MAP4K2: variants seen among roughly 807,000 people sequenced by gnomAD.
MAP4K2 encodes the protein B lymphocyte serine/threonine protein kinase.
In MAP4K2, 85 loss-of-function variants were observed where a neutral mutation model predicts 125.3. The observed-to-expected ratio is 0.68, with a 90% CI of 0.57 to 0.81. MAP4K2 has a LOEUF of 0.81. Among genes scored for constraint, MAP4K2 ranks in the 40% least tolerant of loss-of-function variants. The pLI, the probability that MAP4K2 is intolerant of heterozygous loss-of-function variation, is 0.00. For synonymous variants in MAP4K2, 479 were observed against 445.1 expected (o/e 1.08, Z -0.96); for missense variants, 923 against 1,056.4 (o/e 0.87, Z 1.75).
intron 29 of MAP4K2, 77 bp downstream of exon 29, chr11:64,790,111 C>T (rs1257920322): frequency 2.5e-6 from 4 of 1,569,270 alleles, no homozygotes; most frequent in Admixed American, 3.4e-5. Flanking sequence ...CCTCATCCTA[C>T]CGCCAGCCCC....
In MAP4K2 at chr11:64,802,054, A is replaced by G; in HGVS notation, c.366+12T>C. 1 of 1,610,950 alleles carries G rather than the reference A, an allele frequency of 6.2e-7. No individual in the cohort carries two copies. The highest frequency in any genetic ancestry group is 1.9e-4 in the Middle Eastern group (1 of 5,252). ...GAGACCAGAGGTGTGGGCACCTCAC[A>G]GGCCCAGCTACCTTCAGTGCCTCTC... is the stretch of plus-strand genomic sequence containing the variant. On this transcript the variant is annotated intron_variant, in intron 5 of 31. Transcript: ENST00000294066.
At chr11:64,799,367 A>G (rs1592600446) in intron 14 of MAP4K2, 54 bp downstream of exon 14, 2 of 1,597,102 alleles carry the variant, frequency 1.3e-6, no homozygotes, top group Admixed American at 1.8e-5. Flanking sequence ...CCTCCATCCG[A>G]CCTCCCTGCC....
chr11:64,792,128 C>G (rs752539543), intron 26 of MAP4K2, 42 bp from the exon 27 acceptor site: 10 of 1,583,576 alleles, frequency 6.3e-6, no homozygotes, highest in East Asian at 2.3e-5. Flanking sequence ...TTTCTCCCCC[C>G]AGAGCTCTGA....
rs1940253603 is a variant in MAP4K2, at chr11:64,787,674, G to C, written c.*1863C>G. The C allele has an allele frequency of 6.6e-6, 1 of 152,170 alleles. No homozygotes were observed. Among genetic ancestry groups the C allele is most frequent in the Admixed American group, 6.5e-5 (1 of 15,280 alleles). 9.4% of individuals were successfully genotyped at this position (152,170 alleles called of 1,614,324 possible). ...TGCTGGCAGCAAGCGTTTTATGGGAGGCCCCCACTTTGGCAGTTTACACTC... is the reference window on the plus strand; with the variant it reads ...TGCTGGCAGCAAGCGTTTTATGGGACGCCCCCACTTTGGCAGTTTACACTC... On this transcript the variant is annotated 3_prime_UTR_variant, in exon 32 of 32. Coordinates refer to ENST00000294066, the MANE Select transcript of MAP4K2 (RefSeq NM_004579.5).
chr11:64,801,598 G>A lies in MAP4K2; in HGVS notation c.438C>T (p.Leu146=), dbSNP rs767003185. ...ACTGACCCAGTTTGACATCTCCCTG[G>A]AGAGTGAGGAGAAGGTTGGCTCCCT... ...DIKGANLLLT[L]QGDVKLADFG... is the part of the protein sequence containing the mutation. Residue 146 remains leucine, a synonymous_variant, in exon 7 of 32, where the codon CTC becomes CTT. Coordinates refer to ENST00000294066, the MANE Select transcript of MAP4K2 (RefSeq NM_004579.5). 6.2e-7 allele frequency: 1 copy of A among 1,613,904 alleles called. No individual in the cohort carries two copies. Among genetic ancestry groups the A allele is most frequent in the African/African-American group, 1.3e-5 (1 of 74,900 alleles).
chr11:64,797,305 G>C lies in MAP4K2; in HGVS notation c.1246C>G (p.Pro416Ala). 1 of 1,602,460 alleles carries C rather than the reference G, an allele frequency of 6.2e-7. No individual in the cohort carries two copies. The highest frequency in any genetic ancestry group is 8.5e-7 in the Non-Finnish European group (1 of 1,174,756). ...GGACTGGACAGAGGCTCCTCTGCTG[G>C]AGGGTCAGTGGGGAGTGGCCCTAGG... ...PFLGPLPTDP[P>A]AEEPLSSPPG... is the part of the protein sequence containing the mutation. Residue 416 changes from proline (P) to alanine (A), a missense_variant, in exon 18 of 32, where the codon CCA (proline) becomes GCA (alanine). Physicochemically the swap from Pro to Ala is conservative, Grantham distance 27. Coordinates refer to ENST00000294066, the MANE Select transcript of MAP4K2 (RefSeq NM_004579.5).
chr11:64,800,106 T>C lies in MAP4K2; in HGVS notation c.915+3A>G. The C allele has an allele frequency of 6.3e-7, 1 of 1,598,056 alleles. No homozygotes were observed. ...GACTCACTTTCCAGCCCCCCTCACC[T>C]ACCTCCAGCTCACAGTCCTCAGGGG... is the stretch of plus-strand genomic sequence containing the variant. On this transcript the variant is annotated splice_donor_region_variant and intron_variant, in intron 12 of 31. Coordinates refer to ENST00000294066, the MANE Select transcript of MAP4K2 (RefSeq NM_004579.5).
chr11:64,795,657 C>T (rs1439267691), intron 24 of MAP4K2, among the ~76,000 whole-genome samples: 1 of 152,222 alleles, frequency 6.6e-6, no homozygotes, highest in African/African-American at 2.4e-5. Context: ...CCGCCTTGGC[C>T]TCCCAAAGTG....
intron 12 of MAP4K2, 111 bp from the exon 13 acceptor site, chr11:64,799,794 G>T: frequency 1.2e-6 from 1 of 809,278 alleles, no homozygotes; most frequent in Non-Finnish European, 2.0e-6. Context: ...AGCCCTCTGG[G>T]ACTACTGTAA....
At chr11:64,798,025 A>C in intron 15 of MAP4K2, among the ~76,000 whole-genome samples, 1 of 137,550 alleles carries the variant, frequency 7.3e-6, no homozygotes, top group African/African-American at 2.8e-5. Flanking sequence ...TTTAAGACAG[A>C]GTTTCATTCT....
chr11:64,790,019 T>G (rs905162631), intron 29 of MAP4K2, 60 bp from the exon 30 acceptor site: 6 of 1,593,584 alleles, frequency 3.8e-6, no homozygotes, highest in Middle Eastern at 2.1e-4. Flanking sequence ...CAGCCACGCC[T>G]GAGCCTGGGT....
In MAP4K2 at chr11:64,786,556, T is replaced by C. The variant is rs908601222; in HGVS notation, c.*2981A>G. Reference sequence around the variant, plus strand: ...TGACTCCGGGTATGGGCCAGTTACCTGAACATCCTGGGGGGGCCCACGTCC... The same window carrying C: ...TGACTCCGGGTATGGGCCAGTTACCCGAACATCCTGGGGGGGCCCACGTCC... On this transcript the variant is annotated 3_prime_UTR_variant, in exon 32 of 32. Coordinates refer to ENST00000294066, the MANE Select transcript of MAP4K2 (RefSeq NM_004579.5). The C allele has an allele frequency of 6.6e-6, 1 of 152,214 alleles. No individual in the cohort carries two copies. The highest frequency in any genetic ancestry group is 1.5e-5 in the Non-Finnish European group (1 of 68,056). The allele number at this position is 152,214 out of a possible 1,614,324, so 9.4% of individuals were successfully genotyped here.
At position 64,798,896 on chromosome 11, in the gene MAP4K2, G is replaced by A. The variant is rs1592599219; in HGVS notation, c.1054-59C>T. Reference sequence around the variant, plus strand: ...GCAGAGACAGATGCAACGTGAGAGGGCGCTCAAGAGATTCAGGAAAGGAAA... The same window carrying A: ...GCAGAGACAGATGCAACGTGAGAGGACGCTCAAGAGATTCAGGAAAGGAAA... On this transcript the variant is annotated intron_variant, in intron 14 of 31. Transcript: ENST00000294066. 8.5e-6 allele frequency: 12 copies of A among 1,405,778 alleles called. No individual in the cohort carries two copies. In the East Asian group the frequency reaches 2.9e-4, roughly 35 times the overall value. The allele number at this position is 1,405,778 out of a possible 1,614,324, so 87.1% of individuals were successfully genotyped here.
intron 14 of MAP4K2, 52 bp downstream of exon 14, chr11:64,799,369 C>G: frequency 6.3e-7 from 1 of 1,599,392 alleles, no homozygotes; most frequent in Non-Finnish European, 8.5e-7. Flanking sequence ...TCCATCCGAC[C>G]TCCCTGCCCC....
chr11:64,795,990 T>G (rs1404547644), intron 24 of MAP4K2, among the ~76,000 whole-genome samples: 1 of 152,196 alleles, frequency 6.6e-6, no homozygotes, highest in Non-Finnish European at 1.5e-5. Context: ...CAACATAGCA[T>G]AAGTGCTCAG....
chr11:64,789,472 G>T lies in MAP4K2; in HGVS notation c.*65C>A. ...CCTCTGGTCTAGGATGGGCCCCTTT[G>T]CCCAAAAGGGCCTGCAGCTAAGGCG... On this transcript the variant is annotated 3_prime_UTR_variant, in exon 32 of 32. Coordinates refer to ENST00000294066, the MANE Select transcript of MAP4K2 (RefSeq NM_004579.5). 2.8e-6 allele frequency: 4 copies of T among 1,448,956 alleles called. No homozygotes were observed. The South Asian group carries it at 3.7e-5, about 13-fold the overall frequency. 89.8% of individuals were successfully genotyped at this position (1,448,956 alleles called of 1,614,324 possible).
Position 64,797,032 on chromosome 11 carries a change from G to C in MAP4K2, c.1366-9C>G, listed in dbSNP as rs374364877. The C allele has an allele frequency of 6.2e-7, 1 of 1,613,964 alleles. No individual in the cohort carries two copies. The highest frequency in any genetic ancestry group is 1.3e-5 in the African/African-American group (1 of 74,900). On this transcript the variant is annotated splice_polypyrimidine_tract_variant and intron_variant, in intron 19 of 31. Coordinates refer to ENST00000294066, the MANE Select transcript of MAP4K2 (RefSeq NM_004579.5). ...CCGTGGCAGGATGACCTCTGGGAGGGAGGAAAGGAGTCAGGGCTGATATGA... is the reference window on the plus strand; with the variant it reads ...CCGTGGCAGGATGACCTCTGGGAGGCAGGAAAGGAGTCAGGGCTGATATGA...
chr11:64,790,408 A>T lies in MAP4K2; in HGVS notation c.2147T>A (p.Leu716Gln). 6.2e-7 allele frequency: 1 copy of T among 1,614,142 alleles called. No individual in the cohort carries two copies. The highest frequency in any genetic ancestry group is 8.5e-7 in the Non-Finnish European group (1 of 1,180,012). The change falls in exon 28 of 32, where the codon CTA (leucine) becomes CAA (glutamine). Residue 716 changes from leucine to glutamine, a missense_variant. Physicochemically the swap from Leu to Gln is moderately radical, Grantham distance 113 (BLOSUM62 -2). This residue lies in a region of MAP4K2 where 90 missense variants were observed against 144.9 expected (regional missense o/e 0.62). Coordinates refer to ENST00000294066, the MANE Select transcript of MAP4K2 (RefSeq NM_004579.5). ...QVIQVDRDTI[L>Q]VSFERCVRIV... Reference sequence around the variant, plus strand: ...AGGGCACTCACGTTCAAAGCTGACTAGGATTGTGTCCCTGTCCACCTGGAT... The same window carrying T: ...AGGGCACTCACGTTCAAAGCTGACTTGGATTGTGTCCCTGTCCACCTGGAT...
At position 64,803,178 on chromosome 11, in the gene MAP4K2, G is replaced by A; in HGVS notation, c.-29C>T. 1 of 1,106,538 alleles carries A rather than the reference G, an allele frequency of 9.0e-7. No homozygotes were observed. The allele number at this position is 1,106,538 out of a possible 1,614,324, so 68.5% of individuals were successfully genotyped here. On this transcript the variant is annotated 5_prime_UTR_variant, in exon 1 of 32. Transcript: ENST00000294066. ...CCGGCGCCGGGCGGGCCGGCAGGCG[G>A]GCGGGCGCGAGCTGCGGAGCCGGCG...
Sources: gnomAD v4.1 joint callset for allele counts (sites outside exome capture counted in the v4.1 genomes callset) on GRCh38, gnomAD v4.1.1 for gene constraint, gnomAD v4.1.1 regional missense constraint, MANE v1.5 for transcripts, NCBI Gene and HGNC (gene_info 2026-07-23, HGNC 2026-07-21) for gene names.